The following AMPD1 variants were observed in gnomAD, a reference collection of about 807,000 sequenced individuals.
The protein encoded by AMPD1 is adenosine monophosphate deaminase 1.
Under a neutral mutation model 82.9 loss-of-function variants are expected in AMPD1, and 74 were observed. The observed-to-expected ratio is 0.89, with a 90% CI of 0.74 to 1.08. AMPD1 has a LOEUF of 1.08. AMPD1 is among the 50% of genes least tolerant of loss of function. The pLI, the probability that AMPD1 is intolerant of heterozygous loss-of-function variation, is 0.00. For synonymous variants in AMPD1, 333 were observed against 320.5 expected (o/e 1.04, Z -0.42); for missense variants, 881 against 924.5 (o/e 0.95, Z 0.61).
At position 114,678,329 on chromosome 1, in the gene AMPD1, C is replaced by A. The variant is rs1457021615; in HGVS notation, c.1092+4G>T. On this transcript the variant is annotated splice_donor_region_variant and intron_variant, in intron 8 of 15. Coordinates refer to ENST00000520113, the MANE Select transcript of AMPD1 (RefSeq NM_000036.3). ...GTGAAACTGACATTGCCGTTTCAAC[C>A]TACAGCATGAACATCCAGAGAATCA... The A allele has an allele frequency of 1.2e-6, 2 of 1,614,040 alleles. No individual in the cohort carries two copies. The highest frequency in any genetic ancestry group is 2.7e-5 in the African/African-American group (2 of 75,020).
intron 7 of AMPD1, among the ~76,000 whole-genome samples, 174 bp from the exon 8 acceptor site, chr1:114,678,701 G>A (rs1177070698): frequency 3.9e-5 from 6 of 152,184 alleles, no homozygotes; most frequent in East Asian, 1.9e-4. Flanking sequence ...CAACTGTGGC[G>A]TGCCCATGCA....
intron 5 of AMPD1, among the ~76,000 whole-genome samples, 187 bp from the exon 6 acceptor site, chr1:114,680,665 A>G (rs1369946327): frequency 6.6e-6 from 1 of 152,246 alleles, no homozygotes; most frequent in Admixed American, 6.5e-5. Context: ...AGTATAAAAT[A>G]GCTATAAAAA....
intron 7 of AMPD1, 96 bp from the exon 8 acceptor site, chr1:114,678,623 G>T: frequency 1.8e-6 from 2 of 1,139,964 alleles, no homozygotes; most frequent in Non-Finnish European, 2.6e-6. Flanking sequence ...ACTGCGTTGG[G>T]ACAAAGTGAA....
At position 114,677,903 on chromosome 1, in the gene AMPD1, G is replaced by A. The variant is rs191152112; in HGVS notation, c.1224+7C>T. 7.4e-4 allele frequency: 1,189 copies of A among 1,608,478 alleles called. 14 individuals are homozygous for A. Among genetic ancestry groups the A allele is most frequent in the South Asian group, 5.8e-4 (53 of 90,942 alleles). On this transcript the variant is annotated splice_region_variant and intron_variant, in intron 9 of 15. Transcript: ENST00000520113. ...AGATACCATAGATGTGATTGGTTCC[G>A]CCTCACCTTGATGATAGTGGCAAAA...
In AMPD1 at chr1:114,693,527, G is replaced by A. The variant is rs559092626; in HGVS notation, c.23-80C>T. 5 of 1,270,876 alleles carry A rather than the reference G, an allele frequency of 3.9e-6. No individual in the cohort carries two copies. The African/African-American group carries it at 4.4e-5, about 11-fold the overall frequency. 78.7% of individuals were successfully genotyped at this position (1,270,876 alleles called of 1,614,324 possible). A position where few individuals can be genotyped will look rare whatever the true frequency, so the allele number is the denominator to read the frequency against. On this transcript the variant is annotated intron_variant, in intron 1 of 15. Coordinates refer to ENST00000520113, the MANE Select transcript of AMPD1 (RefSeq NM_000036.3). ...TGGTGGCTATTAATCACTGCTTTGG[G>A]GTAGACACATGTAGATTGCTGTTAT...
intron 5 of AMPD1, among the ~76,000 whole-genome samples, chr1:114,681,250 TA>T (rs527591145): frequency 1.6e-3 from 251 of 152,238 alleles, no homozygotes; most frequent in African/African-American, 5.8e-3. Flanking sequence ...TTTTTTGAAA[TA>T]AGCTTTTAAA....
chr1:114,676,043 T>C, intron 10 of AMPD1, 40 bp from the exon 11 acceptor site: 1 of 1,608,156 alleles, frequency 6.2e-7, no homozygotes, highest in South Asian at 1.1e-5. Flanking sequence ...GAAAAAAAGA[T>C]TTTTAGGACT....
chr1:114,678,521 T>A lies in AMPD1; in HGVS notation c.904A>T (p.Thr302Ser). 1.2e-6 allele frequency: 2 copies of A among 1,613,818 alleles called. No individual in the cohort carries two copies. The highest frequency in any genetic ancestry group is 1.1e-5 in the South Asian group (1 of 91,082). ...RDFYNCRKVD[T>S]HIHAAACMNQ... Reference sequence around the variant, plus strand: ...ATGCAAGCGGCTGCATGGATATGGGTGTCCACCTGTATGTATATTCAAAGA... The same window carrying A: ...ATGCAAGCGGCTGCATGGATATGGGAGTCCACCTGTATGTATATTCAAAGA... Residue 302 changes from threonine (T) to serine (S), a missense_variant, in exon 8 of 16, where the codon ACC becomes TCC. This residue lies in a region of AMPD1 where 783 missense variants were observed against 786.4 expected (regional missense o/e 1.00). Transcript: ENST00000520113.
chr1:114,676,808 T>C (rs1185979328), intron 10 of AMPD1, among the ~76,000 whole-genome samples: 1 of 152,062 alleles, frequency 6.6e-6, no homozygotes, highest in Non-Finnish European at 1.5e-5. Context: ...AGATCAATGA[T>C]ACTGAACAAA....
chr1:114,676,151 TG>T (rs1657976152), intron 10 of AMPD1, 148 bp from the exon 11 acceptor site: 2 of 1,015,338 alleles, frequency 2.0e-6, no homozygotes, highest in Non-Finnish European at 2.9e-6. Flanking sequence ...ACATTCTTTT[TG>T]GTCCCCTATA....
chr1:114,679,620 G>T lies in AMPD1; in HGVS notation c.856C>A (p.Leu286Met), dbSNP rs1475026842. 2 of 1,611,928 alleles carry T rather than the reference G, an allele frequency of 1.2e-6. No individual in the cohort carries two copies. The highest frequency in any genetic ancestry group is 1.3e-5 in the African/African-American group (1 of 74,074). The part of the protein sequence containing the change: ...MLNEMDELKE[L>M]KNNPHRDFYN... ...AAATCTCGGTGGGGGTTGTTTTTCA[G>T]CTCCTTTAACTCGTCCATCTCGTTA... The change falls in exon 7 of 16, where the codon CTG becomes ATG. Residue 286 changes from leucine to methionine, a missense_variant. Transcript: ENST00000520113.
chr1:114,673,550 T>A, intron 15 of AMPD1, 89 bp downstream of exon 15: 1 of 1,102,070 alleles, frequency 9.1e-7, no homozygotes, highest in Admixed American at 1.8e-5. Flanking sequence ...GTGGAACAAT[T>A]TTTCTACATG....
intron 10 of AMPD1, among the ~76,000 whole-genome samples, chr1:114,676,535 T>C (rs1657985076): frequency 6.6e-6 from 1 of 152,214 alleles, no homozygotes; most frequent in Non-Finnish European, 1.5e-5. Flanking sequence ...AATGGGGTGA[T>C]ATAACTTAAC....
chr1:114,678,078 C>T (rs1256560579), intron 8 of AMPD1, 37 bp from the exon 9 acceptor site: 3 of 1,612,574 alleles, frequency 1.9e-6, no homozygotes, highest in Non-Finnish European at 2.5e-6. Flanking sequence ...GTATTATTAC[C>T]AGAGCTGTCT....
intron 5 of AMPD1, among the ~76,000 whole-genome samples, chr1:114,682,675 T>C (rs1229458603): frequency 6.6e-6 from 1 of 151,724 alleles, no homozygotes; most frequent in East Asian, 1.9e-4. Context: ...GCCTCCCGGG[T>C]TCACGCCATT....
intron 4 of AMPD1, among the ~76,000 whole-genome samples, chr1:114,686,212 G>A (rs1223928006): frequency 1.3e-5 from 2 of 152,064 alleles, no homozygotes; most frequent in African/African-American, 2.4e-5. Context: ...CAATAGCCTC[G>A]TTAGGATTTT....
intron 2 of AMPD1, among the ~76,000 whole-genome samples, chr1:114,692,634 C>T (rs1008093208): frequency 5.3e-5 from 8 of 151,596 alleles, no homozygotes; most frequent in African/African-American, 1.7e-4. Context: ...AGTGAGCTAT[C>T]GCACCACTGC....
At chr1:114,692,640 A>T (rs1658546616) in intron 2 of AMPD1, among the ~76,000 whole-genome samples, 1 of 152,250 alleles carries the variant, frequency 6.6e-6, no homozygotes, top group South Asian at 2.1e-4. Context: ...CTATCGCACC[A>T]CTGCACTCCA....
In AMPD1 at chr1:114,678,533, T is replaced by C. The variant is rs765298679; in HGVS notation, c.898-6A>G. On this transcript the variant is annotated splice_polypyrimidine_tract_variant and splice_region_variant and intron_variant, in intron 7 of 15. Transcript: ENST00000520113. ...GCATGGATATGGGTGTCCACCTGTA[T>C]GTATATTCAAAGAAAGAAAAAAACA... 1.9e-6 allele frequency: 3 copies of C among 1,612,992 alleles called. No individual in the cohort carries two copies. Among genetic ancestry groups the C allele is most frequent in the Non-Finnish European group, 2.5e-6 (3 of 1,179,132 alleles).
Sources: allele counts gnomAD v4.1 joint callset (sites outside exome capture counted in the v4.1 genomes callset), GRCh38; gene constraint gnomAD v4.1.1; regional missense constraint gnomAD v4.1.1; transcripts MANE v1.5; gene names NCBI Gene and HGNC (gene_info 2026-07-23, HGNC 2026-07-21).